The following NR3C2 variants were observed in gnomAD, a reference collection of about 807,000 sequenced individuals.
NR3C2 encodes the protein nuclear receptor subfamily 3 group C member 2, also known as mineralocorticoid receptor.
NR3C2 carries 15 observed loss-of-function variants against 86.4 expected under a neutral mutation model. The ratio of observed to expected loss-of-function variants is 0.17; its 90% CI spans 0.12 to 0.27. NR3C2 has a LOEUF of 0.27. Among genes scored for constraint, NR3C2 ranks in the 10% least tolerant of loss-of-function variants. The probability of loss-of-function intolerance (pLI) is 1.00; values close to 1 mark genes in which losing one functional copy is unlikely to be tolerated. For missense variants in NR3C2, 960 were observed against 1,195.6 expected, an observed-to-expected ratio of 0.80 and a Z score of 2.91; for synonymous variants, 458 against 450.5, an observed-to-expected ratio of 1.02 and a Z score of -0.21.
At chr4:148,392,030 A>G (rs902913075) in intron 2 of NR3C2, among the ~76,000 whole-genome samples, 2 of 152,176 alleles carry the variant, frequency 1.3e-5, no homozygotes, top group Admixed American at 6.5e-5. Context: ...TACAAAATTA[A>G]TAACTATTAC....
intron 6 of NR3C2, among the ~76,000 whole-genome samples, chr4:148,125,340 A>T (rs1051102928): frequency 6.6e-6 from 1 of 152,194 alleles, no homozygotes; most frequent in Admixed American, 6.5e-5. Context: ...TAGACAGCGA[A>T]ATCTTTGCCA....
intron 2 of NR3C2, among the ~76,000 whole-genome samples, chr4:148,385,196 T>C (rs1255187459): frequency 6.6e-6 from 1 of 152,120 alleles, no homozygotes; most frequent in Non-Finnish European, 1.5e-5. Context: ...ATGAATAAAT[T>C]CCCAAGTAAA....
intron 6 of NR3C2, among the ~76,000 whole-genome samples, chr4:148,149,660 T>G (rs745840638): frequency 3.9e-5 from 6 of 152,210 alleles, no homozygotes; most frequent in South Asian, 4.1e-4. Flanking sequence ...ATGTATCTGA[T>G]AAGGGTTTAA....
At chr4:148,083,596 A>T (rs1328302285) in intron 8 of NR3C2, among the ~76,000 whole-genome samples, 1 of 152,216 alleles carries the variant, frequency 6.6e-6, no homozygotes, top group Non-Finnish European at 1.5e-5. Flanking sequence ...AGTGCAAAAA[A>T]GCCTGAAAAT....
rs1358549402 is a variant in NR3C2 at position 148,136,062 on chromosome 4, A to AAC, written c.2511-15775_2511-15774insGT. 3.2e-3 allele frequency among the ~76,000 whole-genome samples: 262 copies of AAC among 82,488 alleles called. 2 individuals carry two copies. The highest frequency in any genetic ancestry group is 0.011 in the African/African-American group (246 of 22,514). The allele number at this position is 82,488 out of a possible 152,430, so 54.1% of individuals were successfully genotyped here. On this transcript the variant is annotated intron_variant, in intron 6 of 8. Coordinates refer to ENST00000358102, the MANE Select transcript of NR3C2 (RefSeq NM_000901.5). Reference sequence around the variant, plus strand: ...ACAGAGCGAGACTCCGTCTCAAAAAAAAAAAAAAAAAAAACAAAAAAAAAA... The same window carrying AAC: ...ACAGAGCGAGACTCCGTCTCAAAAAAACAAAAAAAAAAAAAACAAAAAAAAAA...
intron 4 of NR3C2, among the ~76,000 whole-genome samples, chr4:148,160,415 T>C (rs1375815751): frequency 6.6e-6 from 1 of 152,138 alleles, no homozygotes; most frequent in East Asian, 1.9e-4. Context: ...CTGAGGCTGG[T>C]ATGACCTGCT....
At chr4:148,367,732 A>T (rs1413129420) in intron 2 of NR3C2, among the ~76,000 whole-genome samples, 1 of 152,166 alleles carries the variant, frequency 6.6e-6, no homozygotes, top group Non-Finnish European at 1.5e-5. Context: ...ATTTATGCTC[A>T]GCATTACTTC....
At chr4:148,266,682 T>A (rs557062617) in intron 2 of NR3C2, among the ~76,000 whole-genome samples, 1 of 152,200 alleles carries the variant, frequency 6.6e-6, no homozygotes, top group South Asian at 2.1e-4. Context: ...TCAGGTCACA[T>A]GATCTTATTA....
At chr4:148,413,029 TA>T (rs1297404423) in intron 2 of NR3C2, among the ~76,000 whole-genome samples, 3 of 152,224 alleles carry the variant, frequency 2.0e-5, no homozygotes, top group Non-Finnish European at 4.4e-5. Flanking sequence ...TGATCAAAAC[TA>T]GAAGCGTCCC....
At chr4:148,380,567 G>A (rs1390389857) in intron 2 of NR3C2, among the ~76,000 whole-genome samples, 1 of 152,150 alleles carries the variant, frequency 6.6e-6, no homozygotes, top group Non-Finnish European at 1.5e-5. Context: ...CACCAGCAAT[G>A]CATGAACATT....
At chr4:148,244,760 G>T (rs556376925) in intron 3 of NR3C2, among the ~76,000 whole-genome samples, 1 of 152,132 alleles carries the variant, frequency 6.6e-6, no homozygotes, top group African/African-American at 2.4e-5. Flanking sequence ...AAGTATCCAT[G>T]GTCAGAATTT....
At chr4:148,316,799 GTTGTTTT>G (rs1355617141) in intron 2 of NR3C2, among the ~76,000 whole-genome samples, 1 of 151,908 alleles carries the variant, frequency 6.6e-6, no homozygotes, top group Non-Finnish European at 1.5e-5. Flanking sequence ...TGTTGTTGTT[GTTGTTTT>G]TTGTTTGTTT....
intron 6 of NR3C2, among the ~76,000 whole-genome samples, chr4:148,130,455 A>C (rs1732966634): frequency 2.6e-5 from 4 of 152,230 alleles, no homozygotes; most frequent in African/African-American, 9.6e-5. Context: ...ACTTTATTTA[A>C]GAAGGAACTA....
chr4:148,377,305 G>A (rs142103791), intron 2 of NR3C2, among the ~76,000 whole-genome samples: 5 of 152,350 alleles, frequency 3.3e-5, no homozygotes, highest in African/African-American at 1.2e-4. Flanking sequence ...TGCATGGTAT[G>A]AGGGCACTAG....
chr4:148,272,454 A>G (rs1002560612), intron 2 of NR3C2, among the ~76,000 whole-genome samples: 5 of 152,296 alleles, frequency 3.3e-5, no homozygotes, highest in African/African-American at 1.2e-4. Flanking sequence ...TTATTATTTA[A>G]GCCTGTGGTG....
intron 2 of NR3C2, among the ~76,000 whole-genome samples, chr4:148,338,325 T>C (rs1744591097): frequency 1.3e-5 from 2 of 152,320 alleles, no homozygotes; most frequent in Admixed American, 1.3e-4. Flanking sequence ...TTGGACTATG[T>C]AGTTACAGAC....
At chr4:148,228,270 GCATT>G (rs1328006656) in intron 3 of NR3C2, among the ~76,000 whole-genome samples, 1 of 62,656 alleles carries the variant, frequency 1.6e-5, no homozygotes, top group Admixed American at 2.5e-4. Flanking sequence ...ATGAATAGTT[GCATT>G]ATTTATACAC....
At chr4:148,330,402 A>G (rs1160879403) in intron 2 of NR3C2, among the ~76,000 whole-genome samples, 1 of 152,162 alleles carries the variant, frequency 6.6e-6, no homozygotes, top group Non-Finnish European at 1.5e-5. Flanking sequence ...ATCGATTTAT[A>G]GCCCAGTGAT....
At position 148,436,699 on chromosome 4, in the gene NR3C2, A is replaced by G. The variant is rs61760012; in HGVS notation, c.162T>C (p.Ala54=). 32 of 1,614,052 alleles carry G rather than the reference A, an allele frequency of 2.0e-5. No homozygotes were observed. The highest frequency in any genetic ancestry group is 2.7e-5 in the African/African-American group (2 of 74,928). ...EIVNVSCVSG[A]IPNNSTQGSS... ...TTCCTTGAGTACTGTTGTTTGGAAT[A>G]GCACCGGAAACACAGCTTACGTTGA... The change falls in exon 2 of 9, where the codon GCT becomes GCC. Residue 54 remains alanine, a synonymous_variant. Transcript: ENST00000358102.
Sources: allele counts gnomAD v4.1 joint callset (sites outside exome capture counted in the v4.1 genomes callset), GRCh38; gene constraint gnomAD v4.1.1; transcripts MANE v1.5; gene names NCBI Gene and HGNC (gene_info 2026-07-23, HGNC 2026-07-21).